The following CAMTA1 variants were observed in gnomAD, a reference collection of about 807,000 sequenced individuals.
CAMTA1 encodes calmodulin binding transcription activator 1.
In CAMTA1, 27 loss-of-function variants were observed where a neutral mutation model predicts 170.9. The observed-to-expected ratio is 0.16, with a 90% confidence interval of 0.12 to 0.22. The LOEUF (loss-of-function observed/expected upper bound fraction) is 0.22. Ranked by LOEUF, CAMTA1 falls within the 10% of genes least tolerant of loss-of-function variation. The pLI is 1.00. For missense variants in CAMTA1, 1,619 were observed against 2,217.2 expected (o/e 0.73, Z 5.42); for synonymous variants, 833 against 891.5 (o/e 0.93, Z 1.17).
intron 6 of CAMTA1, among the ~76,000 whole-genome samples, chr1:7,491,391 T>C (rs2093700618): frequency 6.6e-6 from 1 of 152,188 alleles, no homozygotes; most frequent in Non-Finnish European, 1.5e-5. Flanking sequence ...TCTCTCACTT[T>C]CTGGAAAAGG....
In CAMTA1 at chr1:7,093,143, G is replaced by A. The variant is rs1246976093; in HGVS notation, c.302+1772G>A. Among the ~76,000 whole-genome samples the A allele has an allele frequency of 6.6e-6, 1 of 152,198 alleles. No individual in the cohort carries two copies. The highest frequency in any genetic ancestry group is 1.5e-5 in the Non-Finnish European group (1 of 68,038). ...TTTCTTCTGCGGCATCTTCTTGGAG[G>A]ACATCATTCTCAAACTTGAGCAGGC... On this transcript the variant is annotated intron_variant, in intron 4 of 22. Coordinates refer to ENST00000303635, the MANE Select transcript of CAMTA1 (RefSeq NM_015215.4). The surrounding 1 kb of genome is among the most constrained non-coding windows in gnomAD (Gnocchi z 4.6).
intron 3 of CAMTA1, among the ~76,000 whole-genome samples, chr1:7,002,063 A>C (rs1458493230): frequency 6.6e-6 from 1 of 151,746 alleles, no homozygotes; most frequent in Non-Finnish European, 1.5e-5. Context: ...CGCCTGGATA[A>C]ATTTTTGTAT....
At chr1:7,671,152 G>A in intron 10 of CAMTA1, 115 bp downstream of exon 10, 1 of 1,160,086 alleles carries the variant, frequency 8.6e-7, no homozygotes, top group Non-Finnish European at 1.2e-6. Flanking sequence ...CTAGGCCTCA[G>A]TTTCCTCGGC....
chr1:7,311,911 A>G (rs1305334427), intron 5 of CAMTA1, among the ~76,000 whole-genome samples: 1 of 152,172 alleles, frequency 6.6e-6, no homozygotes, highest in Admixed American at 6.5e-5. Flanking sequence ...CCCGTAGTTC[A>G]GTTCTCAAAG....
intron 7 of CAMTA1, among the ~76,000 whole-genome samples, chr1:7,652,186 C>A (rs2095852619): frequency 6.6e-6 from 1 of 152,178 alleles, no homozygotes; most frequent in Non-Finnish European, 1.5e-5. Context: ...CACCTCTAAC[C>A]AGGCACAAAG....
At position 7,583,278 on chromosome 1, in the gene CAMTA1, G is replaced by A. The variant is rs556056464; in HGVS notation, c.511-57122G>A. ...AGAGGCCCAGGTGTGTGGAAGGGGTGCAGAGACTGAACCAGGCCTGTCCTG... is the reference window on the plus strand; with the variant it reads ...AGAGGCCCAGGTGTGTGGAAGGGGTACAGAGACTGAACCAGGCCTGTCCTG... On this transcript the variant is annotated intron_variant, in intron 6 of 22. Transcript: ENST00000303635. Among the ~76,000 whole-genome samples the A allele has an allele frequency of 2.2e-4, 33 of 152,060 alleles. 1 individual carries two copies. The highest frequency in any genetic ancestry group is 2.0e-3 in the Admixed American group (30 of 15,270).
At chr1:7,176,266 C>T (rs908878401) in intron 4 of CAMTA1, among the ~76,000 whole-genome samples, 4 of 152,290 alleles carry the variant, frequency 2.6e-5, no homozygotes, top group Admixed American at 1.3e-4. Context: ...TCTTTCTGTC[C>T]GAGCAGGAGG....
chr1:6,905,482 A>G (rs987768567), intron 3 of CAMTA1, among the ~76,000 whole-genome samples: 1 of 152,086 alleles, frequency 6.6e-6, no homozygotes, highest in South Asian at 2.1e-4. Flanking sequence ...GGCGCGAGCC[A>G]CTATGCCCGG....
intron 6 of CAMTA1, among the ~76,000 whole-genome samples, chr1:7,494,579 G>A (rs111407595): frequency 0.034 from 5,111 of 152,188 alleles, 262 homozygotes; most frequent in African/African-American, 0.12. Flanking sequence ...CAAGGCAGGC[G>A]GATCACTTGA....
chr1:6,980,245 G>A (rs1175803738), intron 3 of CAMTA1, among the ~76,000 whole-genome samples: 1 of 152,116 alleles, frequency 6.6e-6, no homozygotes, highest in Non-Finnish European at 1.5e-5. Context: ...TGCCTGATGG[G>A]CCCTTACCAT....
chr1:7,100,532 T>A (rs984545130), intron 4 of CAMTA1, among the ~76,000 whole-genome samples: 13 of 152,218 alleles, frequency 8.5e-5, no homozygotes, highest in Non-Finnish European at 1.9e-4. Context: ...CAAGTCTTTT[T>A]CAGTCTGCAG....
intron 5 of CAMTA1, among the ~76,000 whole-genome samples, chr1:7,408,473 G>A (rs1029712965): frequency 4.6e-5 from 7 of 152,180 alleles, no homozygotes; most frequent in African/African-American, 1.7e-4. Context: ...GGCCTCTGCT[G>A]ACCTCAGCTG....
At chr1:7,259,540 C>T (rs926486335) in intron 5 of CAMTA1, among the ~76,000 whole-genome samples, 2 of 152,216 alleles carry the variant, frequency 1.3e-5, no homozygotes, top group African/African-American at 4.8e-5. Context: ...ACACGCCATT[C>T]TGTTGTTGCC....
At chr1:7,110,095 T>G (rs1643920838) in intron 4 of CAMTA1, among the ~76,000 whole-genome samples, 1 of 152,186 alleles carries the variant, frequency 6.6e-6, no homozygotes, top group South Asian at 2.1e-4. Context: ...TTCATCCTGT[T>G]CCTTCCTGGA....
chr1:7,340,244 ATTG>A (rs1398539999), intron 5 of CAMTA1, among the ~76,000 whole-genome samples: 1 of 152,194 alleles, frequency 6.6e-6, no homozygotes, highest in Non-Finnish European at 1.5e-5. Flanking sequence ...TAGTGTGCCA[ATTG>A]TTGTTGTAGC....
intron 11 of CAMTA1, among the ~76,000 whole-genome samples, chr1:7,718,967 A>G (rs1365400184): frequency 6.7e-6 from 1 of 149,096 alleles, no homozygotes; most frequent in Admixed American, 6.8e-5. Flanking sequence ...TGTTTATAAT[A>G]TTTCTGATTT....
At chr1:7,193,494 G>T (rs1439784700) in intron 4 of CAMTA1, among the ~76,000 whole-genome samples, 1 of 151,832 alleles carries the variant, frequency 6.6e-6, no homozygotes, top group African/African-American at 2.4e-5. Flanking sequence ...GATGACAGCA[G>T]ATAAGTGCCA....
chr1:7,252,348 G>A (rs1355732076), intron 5 of CAMTA1, among the ~76,000 whole-genome samples: 2 of 152,194 alleles, frequency 1.3e-5, no homozygotes, highest in African/African-American at 4.8e-5. Context: ...TTATGTTAAT[G>A]GGAGCCTGTT....
chr1:7,645,983 G>C (rs2095800491), intron 7 of CAMTA1, among the ~76,000 whole-genome samples: 1 of 152,246 alleles, frequency 6.6e-6, no homozygotes, highest in African/African-American at 2.4e-5. Flanking sequence ...AGGCCATGTT[G>C]AAAGTGGAGG....
Sources: allele counts gnomAD v4.1 joint callset (sites outside exome capture counted in the v4.1 genomes callset), GRCh38; gene constraint gnomAD v4.1.1; non-coding constraint Gnocchi (gnomAD v3.1); transcripts MANE v1.5; gene names NCBI Gene and HGNC (gene_info 2026-07-23, HGNC 2026-07-21).